The following YES1 variants were observed in gnomAD, a reference collection of about 807,000 sequenced individuals.
YES1 encodes tyrosine-protein kinase Yes.
Under a neutral mutation model 70.4 loss-of-function variants are expected in YES1, and 39 were observed. The observed-to-expected ratio is 0.55, with a 90% confidence interval of 0.43 to 0.72. The LOEUF is 0.72. YES1 is among the 30% of genes least tolerant of loss of function. YES1 has a pLI of 0.00. For missense variants in YES1, 495 were observed against 644.8 expected (o/e 0.77, Z 2.52); for synonymous variants, 198 against 218.6 (o/e 0.91, Z 0.83).
intron 6 of YES1, among the ~76,000 whole-genome samples, chr18:744,162 C>T (rs1416225775): frequency 6.6e-6 from 1 of 151,598 alleles, no homozygotes; most frequent in Non-Finnish European, 1.5e-5. Flanking sequence ...ATAAATGAAG[C>T]TTTGAAAACA....
At chr18:737,646 C>CA (rs1216912321) in intron 9 of YES1, among the ~76,000 whole-genome samples, 2 of 152,188 alleles carry the variant, frequency 1.3e-5, no homozygotes, top group Non-Finnish European at 2.9e-5. Flanking sequence ...TATAGGTTCC[C>CA]AAACTACAGC....
intron 1 of YES1, among the ~76,000 whole-genome samples, chr18:771,504 T>C (rs994200973): frequency 1.4e-4 from 22 of 152,258 alleles, no homozygotes; most frequent in African/African-American, 5.1e-4. Context: ...AAGTGTTTTA[T>C]TGTAATCTGT....
At chr18:752,976 T>G (rs2080361567) in intron 2 of YES1, among the ~76,000 whole-genome samples, 1 of 152,142 alleles carries the variant, frequency 6.6e-6, no homozygotes, top group South Asian at 2.1e-4. Flanking sequence ...GTATGGATGA[T>G]ATGAATTATA....
chr18:725,404 T>A (rs1486989459), intron 11 of YES1, among the ~76,000 whole-genome samples: 2 of 152,188 alleles, frequency 1.3e-5, no homozygotes, highest in Admixed American at 1.3e-4. Context: ...AGTCTATGAT[T>A]CTCTAAAGAA....
chr18:794,349 A>G (rs1051191599), intron 1 of YES1, among the ~76,000 whole-genome samples: 1 of 152,210 alleles, frequency 6.6e-6, no homozygotes, highest in Non-Finnish European at 1.5e-5. Context: ...CTAACTTTTA[A>G]AAATATCAAT....
At chr18:747,088 AAT>A (rs2080289324) in intron 4 of YES1, among the ~76,000 whole-genome samples, 1 of 152,376 alleles carries the variant, frequency 6.6e-6, no homozygotes, top group South Asian at 2.1e-4. Context: ...AACTGAAAGT[AAT>A]ATTCTTTCAT....
In YES1 at chr18:732,888, A is replaced by G. The variant is rs772156124; in HGVS notation, c.1369T>C (p.Ser457Pro). The G allele has an allele frequency of 6.2e-7, 1 of 1,614,182 alleles. No individual in the cohort carries two copies. The highest frequency in any genetic ancestry group is 1.1e-5 in the South Asian group (1 of 91,076). ...AGTTCTGTTTGCAGAATTCCAAATG[A>G]CCAGACATCAGACTTTATTGTAAAC... is the stretch of plus-strand genomic sequence containing the variant. ...GRFTIKSDVW[S>P]FGILQTELVT... Residue 457 changes from serine (S) to proline (P), a missense_variant, in exon 11 of 12, where the codon TCA becomes CCA. Physicochemically the swap from Ser to Pro is moderately conservative, Grantham distance 74. Transcript: ENST00000314574.
chr18:749,004 C>T (rs1356269840), intron 3 of YES1, among the ~76,000 whole-genome samples: 1 of 151,616 alleles, frequency 6.6e-6, no homozygotes, highest in Non-Finnish European at 1.5e-5. Context: ...CTACTAAAAA[C>T]ACAAAAATTA....
intron 2 of YES1, among the ~76,000 whole-genome samples, chr18:753,982 A>G (rs2080375316): frequency 4.6e-5 from 7 of 151,964 alleles, no homozygotes; most frequent in Admixed American, 4.6e-4. Context: ...TTTACTTTCC[A>G]TTTCCACTGC....
chr18:791,903 A>T (rs1906271302), intron 1 of YES1, among the ~76,000 whole-genome samples: 1 of 151,934 alleles, frequency 6.6e-6, no homozygotes, highest in Non-Finnish European at 1.5e-5. Flanking sequence ...AAAAATACAA[A>T]AATCAGCTGG....
chr18:739,595 T>TGA (rs2080193317), intron 9 of YES1, 140 bp downstream of exon 9: 1 of 644,368 alleles, frequency 1.6e-6, no homozygotes, highest in South Asian at 3.1e-5. Flanking sequence ...GGTGACAGAA[T>TGA]GAGACGCTGT....
At chr18:747,021 T>C (rs1193928015) in intron 4 of YES1, among the ~76,000 whole-genome samples, 1 of 152,240 alleles carries the variant, frequency 6.6e-6, no homozygotes, top group Non-Finnish European at 1.5e-5. Flanking sequence ...AAGGATACTT[T>C]CCTACATAAC....
intron 1 of YES1, among the ~76,000 whole-genome samples, chr18:804,668 T>C (rs1598949753): frequency 6.8e-6 from 1 of 146,312 alleles, no homozygotes; most frequent in African/African-American, 2.6e-5. Flanking sequence ...AGCCTGGCAC[T>C]TTGGGAGGCC....
intron 1 of YES1, among the ~76,000 whole-genome samples, chr18:785,544 A>T (rs1905893111): frequency 6.6e-6 from 1 of 152,194 alleles, no homozygotes; most frequent in Admixed American, 6.5e-5. Flanking sequence ...CATTACATCC[A>T]GCCTGTTCAG....
chr18:756,061 G>A (rs1300200096), intron 2 of YES1, among the ~76,000 whole-genome samples: 4 of 152,134 alleles, frequency 2.6e-5, no homozygotes, highest in Non-Finnish European at 2.9e-5. Context: ...TGACTTGGGG[G>A]AAAATTTTAA....
Position 736,816 on chromosome 18 carries a change from G to A in YES1, c.1283C>T (p.Ala428Val). The part of the protein sequence containing the change: ...ARLIEDNEYT[A>V]RQGAKFPIKW... Reference sequence around the variant, plus strand: ...TGTAAAAGTAATTTTACCTTGTCTTGCTGTGTATTCATTGTCTTCAATTAA... The same window carrying A: ...TGTAAAAGTAATTTTACCTTGTCTTACTGTGTATTCATTGTCTTCAATTAA... Residue 428 changes from alanine to valine, a missense_variant, in exon 10 of 12, where the codon GCA becomes GTA. Physicochemically the swap from Ala to Val is moderately conservative, Grantham distance 64 (BLOSUM62 0). This residue lies in a region of YES1 where 385 missense variants were observed against 540.9 expected (regional missense o/e 0.71). Coordinates refer to ENST00000314574, the MANE Select transcript of YES1 (RefSeq NM_005433.4). The A allele has an allele frequency of 6.2e-7, 1 of 1,610,796 alleles. No homozygotes were observed. Among genetic ancestry groups the A allele is most frequent in the Non-Finnish European group, 8.5e-7 (1 of 1,179,696 alleles).
chr18:736,688 GTC>G (rs2080157098), intron 10 of YES1, 118 bp downstream of exon 10: 3 of 1,287,456 alleles, frequency 2.3e-6, no homozygotes, highest in African/African-American at 1.5e-5. Context: ...TGAAATCAAT[GTC>G]TCTATGACTC....
At chr18:812,373 G>T (rs1309719947), upstream of YES1, 1 of 151,724 alleles carries the variant, frequency 6.6e-6, no homozygotes, top group Non-Finnish European at 1.5e-5. Flanking sequence ...GGGGGCGGGG[G>T]CTGCGGGTAC....
chr18:732,412 G>A (rs1598887736), intron 11 of YES1, among the ~76,000 whole-genome samples: 2 of 146,046 alleles, frequency 1.4e-5, no homozygotes, highest in African/African-American at 5.1e-5. Flanking sequence ...ACTCCAGCCT[G>A]GGTGACAGAG....
Sources: allele counts gnomAD v4.1 joint callset (sites outside exome capture counted in the v4.1 genomes callset), GRCh38; gene constraint gnomAD v4.1.1; regional missense constraint gnomAD v4.1.1; transcripts MANE v1.5; gene names NCBI Gene and HGNC (gene_info 2026-07-23, HGNC 2026-07-21).